ATP9B: variants seen among roughly 807,000 people sequenced by gnomAD.
ATP9B encodes the protein probable phospholipid-transporting ATPase IIB.
In ATP9B, 110 loss-of-function variants were observed where a neutral mutation model predicts 146.1. The ratio of observed to expected loss-of-function variants is 0.75; its 90% CI spans 0.65 to 0.88. ATP9B has a LOEUF of 0.88. ATP9B is among the 40% of genes least tolerant of loss of function. The pLI is 0.00. For missense variants in ATP9B, 1,499 were observed against 1,496.4 expected (o/e 1.00, Z -0.03); for synonymous variants, 604 against 569.7 (o/e 1.06, Z -0.86).
intron 2 of ATP9B, among the ~76,000 whole-genome samples, chr18:79,097,455 G>A (rs1012394080): frequency 1.1e-4 from 16 of 149,192 alleles, no homozygotes; most frequent in Non-Finnish European, 1.6e-4. Context: ...CTAAGAAATA[G>A]GTATTTTCTT....
intron 6 of ATP9B, among the ~76,000 whole-genome samples, chr18:79,153,679 C>G (rs1466275624): frequency 6.7e-5 from 10 of 148,454 alleles, no homozygotes; most frequent in African/African-American, 2.0e-4. Context: ...GAAACAGGGT[C>G]TCCCTCTGCT....
chr18:79,173,635 T>A (rs913562675), intron 7 of ATP9B: 1 of 447,970 alleles, frequency 2.2e-6, no homozygotes, highest in Non-Finnish European at 4.4e-6. Flanking sequence ...CATACTTGTA[T>A]GTTGGGGGGA....
intron 9 of ATP9B, among the ~76,000 whole-genome samples, chr18:79,206,520 G>T (rs997832053): frequency 2.0e-5 from 3 of 152,016 alleles, no homozygotes; most frequent in Non-Finnish European, 2.9e-5. Context: ...AATACGCTAG[G>T]CATGCTGGAT....
chr18:79,076,423 A>T (rs750492255), intron 1 of ATP9B, among the ~76,000 whole-genome samples: 23 of 152,214 alleles, frequency 1.5e-4, no homozygotes, highest in Non-Finnish European at 2.8e-4. Context: ...TTCACCAGAT[A>T]CGGAATTCGG....
At chr18:79,143,547 C>G (rs868519531) in intron 5 of ATP9B, among the ~76,000 whole-genome samples, 1 of 152,156 alleles carries the variant, frequency 6.6e-6, no homozygotes, top group South Asian at 2.1e-4. Context: ...GAATAATCTT[C>G]TGAGTGTAGT....
chr18:79,094,243 A>T lies in ATP9B; in HGVS notation c.120-2233A>T, dbSNP rs989242157. Among the ~76,000 whole-genome samples the T allele has an allele frequency of 2.0e-5, 3 of 152,238 alleles. No homozygotes were observed. The East Asian group carries it at 5.8e-4, about 29-fold the overall frequency. On this transcript the variant is annotated intron_variant, in intron 1 of 29. Transcript: ENST00000426216. ...CCTGTGCTTATTTGGGTTTGGGCACATTTTTGCAGCTCGGGGGTGAGCCTG... is the reference window on the plus strand; with the variant it reads ...CCTGTGCTTATTTGGGTTTGGGCACTTTTTTGCAGCTCGGGGGTGAGCCTG...
intron 27 of ATP9B, 82 bp from the exon 28 acceptor site, chr18:79,373,816 G>T: frequency 7.0e-7 from 1 of 1,430,454 alleles, no homozygotes. Flanking sequence ...GGTCTTGAGT[G>T]ACGTTGCTGG....
intron 11 of ATP9B, among the ~76,000 whole-genome samples, chr18:79,218,139 G>A (rs1391891461): frequency 6.6e-6 from 1 of 152,220 alleles, no homozygotes; most frequent in Non-Finnish European, 1.5e-5. Flanking sequence ...GGCCAGGCTG[G>A]CAGCTCCTGC....
intron 8 of ATP9B, among the ~76,000 whole-genome samples, chr18:79,180,144 T>C (rs2095233529): frequency 6.6e-6 from 1 of 152,220 alleles, no homozygotes; most frequent in Admixed American, 6.5e-5. Flanking sequence ...TATATCTTTT[T>C]CTTTGAATTT....
intron 13 of ATP9B, among the ~76,000 whole-genome samples, chr18:79,299,126 G>T (rs1326940938): frequency 6.8e-6 from 1 of 147,918 alleles, no homozygotes; most frequent in African/African-American, 2.5e-5. Context: ...CCCCACATTT[G>T]ACCCCCACCA....
chr18:79,367,629 G>GC (rs530460397), intron 26 of ATP9B, among the ~76,000 whole-genome samples: 3 of 152,398 alleles, frequency 2.0e-5, no homozygotes, highest in African/African-American at 7.2e-5. Context: ...GCAGTTGGAG[G>GC]CCCCGCTGGG....
At chr18:79,218,483 G>A (rs555008374) in intron 11 of ATP9B, among the ~76,000 whole-genome samples, 13 of 150,412 alleles carry the variant, frequency 8.6e-5, no homozygotes, top group Admixed American at 4.0e-4. Context: ...TATTTTCCTC[G>A]TGTTCCGTGT....
intron 17 of ATP9B, among the ~76,000 whole-genome samples, chr18:79,336,356 C>T (rs116129584): frequency 0.015 from 2,333 of 152,352 alleles, 65 homozygotes; most frequent in African/African-American, 0.054. Flanking sequence ...CAGGAGAGTC[C>T]AGGTGGAGTG....
chr18:79,082,880 G>A (rs902643327), intron 1 of ATP9B, among the ~76,000 whole-genome samples: 4 of 152,200 alleles, frequency 2.6e-5, no homozygotes, highest in African/African-American at 7.2e-5. Flanking sequence ...GATACATGGC[G>A]GTCAGGGATC....
intron 26 of ATP9B, among the ~76,000 whole-genome samples, chr18:79,369,648 G>T (rs1399977135): frequency 3.3e-5 from 5 of 152,100 alleles, no homozygotes; most frequent in African/African-American, 9.7e-5. Context: ...CTGGCATTTT[G>T]GAGTGGCTGG....
intron 17 of ATP9B, among the ~76,000 whole-genome samples, chr18:79,334,011 T>C (rs1406021474): frequency 6.6e-6 from 1 of 152,210 alleles, no homozygotes; most frequent in Non-Finnish European, 1.5e-5. Context: ...AGAAGCCCTC[T>C]CTACAGGGAG....
At chr18:79,362,680 AGGACT>A (rs2096997302) in intron 26 of ATP9B, 1 of 152,248 alleles carries the variant, frequency 6.6e-6, no homozygotes, top group African/African-American at 2.4e-5. Flanking sequence ...TCCAGGCATC[AGGACT>A]AGTAAGGTGA....
chr18:79,279,364 C>T (rs1313240539), intron 13 of ATP9B, among the ~76,000 whole-genome samples: 2 of 152,300 alleles, frequency 1.3e-5, no homozygotes, highest in Non-Finnish European at 2.9e-5. Context: ...TCAGAAGAAA[C>T]CCACCCCAGC....
At chr18:79,157,411 A>AAC (rs2094808391) in intron 7 of ATP9B, among the ~76,000 whole-genome samples, 1 of 149,156 alleles carries the variant, frequency 6.7e-6, no homozygotes, top group Admixed American at 6.7e-5. Flanking sequence ...AAAAAAAAAA[A>AAC]AAAAAAAAAA....
Sources: allele counts gnomAD v4.1 joint callset (sites outside exome capture counted in the v4.1 genomes callset), GRCh38; gene constraint gnomAD v4.1.1; transcripts MANE v1.5; gene names NCBI Gene and HGNC (gene_info 2026-07-23, HGNC 2026-07-21).